The following DMRT3 variants were observed in gnomAD, a reference collection of about 807,000 sequenced individuals.
DMRT3 encodes the protein doublesex and mab-3 related transcription factor 3.
In DMRT3, 29 loss-of-function variants were observed where a neutral mutation model predicts 34.9. That is an observed-to-expected ratio of 0.83 (90% CI 0.62 to 1.13). The LOEUF (loss-of-function observed/expected upper bound fraction) is 1.13. DMRT3 is among the 50% of genes most tolerant of loss of function. The pLI is 0.00. For synonymous variants in DMRT3, 350 were observed against 286.0 expected, an observed-to-expected ratio of 1.22 and a Z score of -2.26; for missense variants, 772 against 629.1, an observed-to-expected ratio of 1.23 and a Z score of -2.43.
rs542491675 is a variant in DMRT3, at chr9:976,938, G to A, written c.-64G>A. 3 of 1,375,742 alleles carry A rather than the reference G, an allele frequency of 2.2e-6. No individual in the cohort carries two copies. Among genetic ancestry groups the A allele is most frequent in the East Asian group, 5.8e-5 (2 of 34,466 alleles). 85.2% of individuals were successfully genotyped at this position (1,375,742 alleles called of 1,614,324 possible). The stretch of plus-strand genomic sequence containing the variant: ...GCCCCTGAGCGGGCCTCGCAGCCCC[G>A]CCGTCCAGCGCTCCCTGGCCCTCTC... On this transcript the variant is annotated 5_prime_UTR_variant, in exon 1 of 2. Coordinates refer to ENST00000190165, the MANE Select transcript of DMRT3 (RefSeq NM_021240.4). The surrounding 1 kb of genome is among the most constrained non-coding windows in gnomAD (Gnocchi z 4.5).
At chr9:988,699 G>T (rs554651092) in intron 1 of DMRT3, among the ~76,000 whole-genome samples, 1 of 152,122 alleles carries the variant, frequency 6.6e-6, no homozygotes, top group South Asian at 2.1e-4. Flanking sequence ...TATATAATCA[G>T]GTGTGCCCAC....
intron 1 of DMRT3, among the ~76,000 whole-genome samples, chr9:980,829 A>G (rs1404845293): frequency 6.6e-6 from 1 of 152,136 alleles, no homozygotes; most frequent in African/African-American, 2.4e-5. Context: ...GTGAAAAGCT[A>G]AAGTTACATT....
intron 1 of DMRT3, among the ~76,000 whole-genome samples, chr9:988,087 T>C (rs1012553833): frequency 9.2e-5 from 14 of 152,330 alleles, no homozygotes; most frequent in African/African-American, 3.1e-4. Flanking sequence ...AGGTAAAAGC[T>C]GTGTCCCCCA....
At chr9:984,226 T>C (rs1820255329) in intron 1 of DMRT3, among the ~76,000 whole-genome samples, 1 of 152,192 alleles carries the variant, frequency 6.6e-6, no homozygotes, top group Non-Finnish European at 1.5e-5. Flanking sequence ...TTTACAGGTG[T>C]GTTCCCCACA....
At chr9:982,884 C>A (rs1044373266) in intron 1 of DMRT3, among the ~76,000 whole-genome samples, 1 of 152,176 alleles carries the variant, frequency 6.6e-6, no homozygotes, top group African/African-American at 2.4e-5. Context: ...GTTGCAGCCC[C>A]TTAGCCATTA....
chr9:977,492 CG>C, intron 1 of DMRT3, 37 bp downstream of exon 1: 5 of 1,263,232 alleles, frequency 4.0e-6, no homozygotes, highest in African/African-American at 1.5e-5. Flanking sequence ...TGGCCGGGCG[CG>C]GGGGCAACTT....
rs7854621 is a variant in DMRT3, at chr9:990,368, A to T, written c.782A>T (p.Asn261Ile). ...PLEVLKKIFP[N>I]QKPTVLELIL... ...GAAGTGTTAAAAAAGATATTCCCCA[A>T]CCAGAAGCCAACGGTGCTTGAGCTC... The change falls in exon 2 of 2, where the codon AAC becomes ATC. Residue 261 changes from asparagine (N) to isoleucine (I), a missense_variant. Transcript: ENST00000190165. 2.4e-5 allele frequency: 39 copies of T among 1,613,790 alleles called. No homozygotes were observed. The highest frequency in any genetic ancestry group is 3.3e-5 in the Non-Finnish European group (39 of 1,179,990).
At position 977,266 on chromosome 9, in the gene DMRT3, G is replaced by T; in HGVS notation, c.265G>T (p.Asp89Tyr). ...ANESLESLIPDSLRALPGPPP... is the reference protein window; with the variant it reads ...ANESLESLIPYSLRALPGPPP... ...CGAGAGCTTGGAGAGCCTCATCCCC[G>T]ACTCGCTGCGCGCTCTGCCAGGGCC... Residue 89 changes from aspartate to tyrosine, a missense_variant, in exon 1 of 2, where the codon GAC (aspartate) becomes TAC (tyrosine). Transcript: ENST00000190165. 2.6e-6 allele frequency: 4 copies of T among 1,542,242 alleles called. No individual in the cohort carries two copies. Among genetic ancestry groups the T allele is most frequent in the Non-Finnish European group, 3.5e-6 (4 of 1,140,652 alleles).
rs749072728 is a variant in DMRT3, at chr9:990,475, C to A, written c.889C>A (p.Arg297=). Residue 297 remains arginine, a synonymous_variant, in exon 2 of 2, where the codon CGA becomes AGA. Coordinates refer to ENST00000190165, the MANE Select transcript of DMRT3 (RefSeq NM_021240.4). ...CCGATCCTCAGTCACGGGAGCAGAGCGAACTTCCGCAGAACCTGAGAGTCT... is the reference window on the plus strand; with the variant it reads ...CCGATCCTCAGTCACGGGAGCAGAGAGAACTTCCGCAGAACCTGAGAGTCT... ...SSRSSVTGAE[R]TSAEPESLAL... is the part of the protein sequence containing the mutation. 3.1e-6 allele frequency: 5 copies of A among 1,614,152 alleles called. No individual in the cohort carries two copies. The Admixed American group carries it at 6.7e-5, about 22-fold the overall frequency.
chr9:987,464 C>T (rs898828479), intron 1 of DMRT3, among the ~76,000 whole-genome samples: 6 of 148,678 alleles, frequency 4.0e-5, no homozygotes, highest in East Asian at 2.0e-4. Flanking sequence ...GTGTACACCA[C>T]GTTTTATACA....
intron 1 of DMRT3, among the ~76,000 whole-genome samples, chr9:983,000 C>A (rs1297040858): frequency 1.3e-5 from 2 of 152,112 alleles, no homozygotes; most frequent in African/African-American, 4.8e-5. Context: ...GACAGCTGGT[C>A]CTCACAGGTC....
chr9:986,555 C>A (rs1261755607), intron 1 of DMRT3, among the ~76,000 whole-genome samples: 1 of 152,094 alleles, frequency 6.6e-6, no homozygotes, highest in Non-Finnish European at 1.5e-5. Flanking sequence ...AGGGGATGTA[C>A]CTTTTAAAAC....
intron 1 of DMRT3, among the ~76,000 whole-genome samples, chr9:987,762 A>G (rs1286326110): frequency 6.6e-6 from 1 of 152,212 alleles, no homozygotes; most frequent in Non-Finnish European, 1.5e-5. Flanking sequence ...CTAAAATTAA[A>G]AAATAAGGAA....
At chr9:985,075 T>C (rs1820267859) in intron 1 of DMRT3, among the ~76,000 whole-genome samples, 1 of 152,210 alleles carries the variant, frequency 6.6e-6, no homozygotes, top group Non-Finnish European at 1.5e-5. Context: ...ATCTACTTCT[T>C]TTAAAAACCT....
At position 976,937 on chromosome 9, in the gene DMRT3, C is replaced by T. The variant is rs935135040; in HGVS notation, c.-65C>T. ...CGCCCCTGAGCGGGCCTCGCAGCCCCGCCGTCCAGCGCTCCCTGGCCCTCT... is the reference window on the plus strand; with the variant it reads ...CGCCCCTGAGCGGGCCTCGCAGCCCTGCCGTCCAGCGCTCCCTGGCCCTCT... On this transcript the variant is annotated 5_prime_UTR_variant, in exon 1 of 2. Transcript: ENST00000190165. This position sits in a 1 kb window ranked among gnomAD's most constrained non-coding sequence, Gnocchi z 4.5. 3 of 1,379,038 alleles carry T rather than the reference C, an allele frequency of 2.2e-6. No homozygotes were observed. The highest frequency in any genetic ancestry group is 6.6e-5 in the Admixed American group (2 of 30,322). 85.4% of individuals were successfully genotyped at this position (1,379,038 alleles called of 1,614,324 possible).
chr9:979,425 T>G (rs1820189447), intron 1 of DMRT3, among the ~76,000 whole-genome samples: 1 of 151,976 alleles, frequency 6.6e-6, no homozygotes, highest in East Asian at 1.9e-4. Context: ...AACAAGTAAT[T>G]GCAAAGGAGA....
intron 1 of DMRT3, among the ~76,000 whole-genome samples, chr9:988,233 A>C (rs1165024387): frequency 6.6e-6 from 1 of 151,992 alleles, no homozygotes; most frequent in African/African-American, 2.4e-5. Flanking sequence ...TGAACCTCTC[A>C]TTGGAAACCT....
At chr9:989,702 A>C (rs1820328687) in intron 1 of DMRT3, 1 of 183,772 alleles carries the variant, frequency 5.4e-6, no homozygotes, top group African/African-American at 2.4e-5. Context: ...CTCTTCCAGG[A>C]GTCCCCCACC....
At position 990,562 on chromosome 9, in the gene DMRT3, TC is replaced by T; in HGVS notation, c.978del (p.Lys327AsnfsTer14). On this transcript the variant is annotated frameshift_variant, in exon 2 of 2. Coordinates refer to ENST00000190165, the MANE Select transcript of DMRT3 (RefSeq NM_021240.4). LOFTEE classifies it high-confidence loss of function. ...HTLSSYPISS[S>X]KWSVGSAFRV... Reference sequence around the variant, plus strand: ...CTTGAGCTCCTACCCCATCTCGTCTTCCAAATGGTCTGTGGGATCAGCCTTT... The same window carrying T: ...CTTGAGCTCCTACCCCATCTCGTCTTCAAATGGTCTGTGGGATCAGCCTTT... The T allele has an allele frequency of 6.2e-7, 1 of 1,614,082 alleles. No homozygotes were observed. Among genetic ancestry groups the T allele is most frequent in the Non-Finnish European group, 8.5e-7 (1 of 1,180,000 alleles).
Sources: gnomAD v4.1 joint callset for allele counts (sites outside exome capture counted in the v4.1 genomes callset) on GRCh38, gnomAD v4.1.1 for gene constraint, Gnocchi (gnomAD v3.1) non-coding constraint, MANE v1.5 for transcripts, NCBI Gene and HGNC (gene_info 2026-07-23, HGNC 2026-07-21) for gene names.